Variants in GON4L observed in about 807,000 individuals in gnomAD.
The protein encoded by GON4L is gon-4 like, also known as GON-4-like protein.
A neutral mutation model predicts 211.8 loss-of-function variants in GON4L; 87 were observed. That is an observed-to-expected ratio of 0.41 (90% CI 0.35 to 0.49). GON4L has a LOEUF of 0.49. Ranked by LOEUF, GON4L falls within the 20% of genes least tolerant of loss-of-function variation. The pLI is 0.15. For missense variants in GON4L, 2,155 were observed against 2,659.5 expected (o/e 0.81, Z 4.17); for synonymous variants, 875 against 962.6 (o/e 0.91, Z 1.68).
At chr1:155,767,261 C>T in intron 20 of GON4L, 164 bp downstream of exon 20, 1 of 1,504,242 alleles carries the variant, frequency 6.6e-7, no homozygotes, top group South Asian at 1.2e-5. Flanking sequence ...TGTAGAATCA[C>T]CCAGAGAAGG....
intron 2 of GON4L, among the ~76,000 whole-genome samples, chr1:155,839,564 T>C (rs1031287736): frequency 2.6e-5 from 4 of 151,732 alleles, no homozygotes; most frequent in Non-Finnish European, 2.9e-5. Context: ...GGCAGGAGAA[T>C]TGCTTGAACC....
intron 11 of GON4L, among the ~76,000 whole-genome samples, chr1:155,803,909 G>C (rs1666911487): frequency 6.6e-6 from 1 of 152,188 alleles, no homozygotes; most frequent in Non-Finnish European, 1.5e-5. Context: ...GTAAAATAGA[G>C]AGGAAAGGGG....
At chr1:155,799,740 A>C (rs1666449770) in intron 11 of GON4L, among the ~76,000 whole-genome samples, 1 of 152,216 alleles carries the variant, frequency 6.6e-6, no homozygotes, top group Non-Finnish European at 1.5e-5. Context: ...CAAAATCCTG[A>C]AAGTCAGTTC....
intron 2 of GON4L, 152 bp from the exon 3 acceptor site, chr1:155,827,180 C>G: frequency 1.5e-6 from 1 of 677,550 alleles, no homozygotes; most frequent in South Asian, 1.7e-5. Flanking sequence ...AATCAAAGCT[C>G]AGATCCAATT....
chr1:155,760,542 G>C lies in GON4L; in HGVS notation c.5011C>G (p.Leu1671Val), dbSNP rs376193653. The change falls in exon 24 of 32, where the codon CTC becomes GTC. Residue 1671 changes from leucine (L) to valine (V), a missense_variant. This residue lies in a region of GON4L where 455 missense variants were observed against 504.6 expected (regional missense o/e 0.90). Transcript: ENST00000368331. ...SSTQRRTAVD[L>V]YKSLQILLQD... is the part of the protein sequence containing the mutation. ...AGCAGAATTTGCAGGCTTTTGTAGAGATCTACAGCCGTCCGTCTCTGGGTA... is the reference window on the plus strand; with the variant it reads ...AGCAGAATTTGCAGGCTTTTGTAGACATCTACAGCCGTCCGTCTCTGGGTA... 1.9e-6 allele frequency: 3 copies of C among 1,612,688 alleles called. No individual in the cohort carries two copies. Among genetic ancestry groups the C allele is most frequent in the South Asian group, 1.1e-5 (1 of 91,062 alleles).
chr1:155,810,240 C>T (rs944980097), intron 10 of GON4L, among the ~76,000 whole-genome samples: 13 of 151,124 alleles, frequency 8.6e-5, no homozygotes, highest in Non-Finnish European at 1.0e-4. Flanking sequence ...GTGATCCACC[C>T]GCCTGGGCCT....
chr1:155,793,672 T>C (rs767084735), intron 12 of GON4L, among the ~76,000 whole-genome samples: 1 of 151,960 alleles, frequency 6.6e-6, no homozygotes, highest in Non-Finnish European at 1.5e-5. Flanking sequence ...GCAGTGGCAC[T>C]ATCATAGTTT....
At chr1:155,850,345 C>A (rs1028936493) in intron 2 of GON4L, among the ~76,000 whole-genome samples, 13 of 152,026 alleles carry the variant, frequency 8.6e-5, no homozygotes, top group Admixed American at 2.0e-4. Flanking sequence ...ACAAAAAAAA[C>A]CGCTATTCCT....
chr1:155,856,254 G>A (rs549660198), intron 1 of GON4L, among the ~76,000 whole-genome samples: 88 of 151,900 alleles, frequency 5.8e-4, no homozygotes, highest in South Asian at 3.1e-3. Context: ...CAGAGACAAG[G>A]TCTCGCTCTG....
At chr1:155,825,235 T>A (rs1228488169) in intron 3 of GON4L, among the ~76,000 whole-genome samples, 1 of 151,848 alleles carries the variant, frequency 6.6e-6, no homozygotes, top group African/African-American at 2.4e-5. Context: ...GCAATAAAAA[T>A]GAACAATCTA....
chr1:155,795,042 A>G lies in GON4L; in HGVS notation c.1747+8T>C. On this transcript the variant is annotated splice_region_variant and intron_variant, in intron 12 of 31. Coordinates refer to ENST00000368331, the MANE Select transcript of GON4L (RefSeq NM_001282860.2). ...CAAGAGCAGGACTTAGAATAAACAC[A>G]GACTCACTGGTGATTCTCACTGCCC... 1.4e-6 allele frequency: 2 copies of G among 1,470,012 alleles called. No individual in the cohort carries two copies. The highest frequency in any genetic ancestry group is 2.3e-5 in the South Asian group (2 of 88,186). The allele number at this position is 1,470,012 out of a possible 1,614,324, so 91.1% of individuals were successfully genotyped here. A position where few individuals can be genotyped will look rare whatever the true frequency, so the allele number is the denominator to read the frequency against.
At chr1:155,763,199 G>A in intron 22 of GON4L, 113 bp downstream of exon 22, 1 of 939,068 alleles carries the variant, frequency 1.1e-6, no homozygotes, top group Non-Finnish European at 1.6e-6. Flanking sequence ...AGATCCAGAG[G>A]GTTTCCTCTG....
At chr1:155,768,002 A>C (rs1662721038) in intron 19 of GON4L, among the ~76,000 whole-genome samples, 1 of 152,090 alleles carries the variant, frequency 6.6e-6, no homozygotes, top group Admixed American at 6.6e-5. Flanking sequence ...GAGCCTGAGA[A>C]AGTTCAATTT....
chr1:155,780,958 G>A (rs746781411), intron 14 of GON4L, among the ~76,000 whole-genome samples: 1 of 151,980 alleles, frequency 6.6e-6, no homozygotes, highest in Non-Finnish European at 1.5e-5. Flanking sequence ...TATTTACTGT[G>A]GGTTTGGGCA....
chr1:155,752,227 C>G lies in GON4L; in HGVS notation c.6206G>C (p.Gly2069Ala), dbSNP rs775423194. 4 of 1,613,356 alleles carry G rather than the reference C, an allele frequency of 2.5e-6. No homozygotes were observed. Among genetic ancestry groups the G allele is most frequent in the Middle Eastern group, 3.3e-4 (2 of 6,052 alleles). ...CCATCTCTCTTGAGTGTCTGGTTTCCCGGACACATGTCTTCTCCCTGCATC... is the reference window on the plus strand; with the variant it reads ...CCATCTCTCTTGAGTGTCTGGTTTCGCGGACACATGTCTTCTCCCTGCATC... ...TRDAGRRHVS[G>A]KPDTQERWLP... Residue 2069 changes from glycine to alanine, a missense_variant, in exon 30 of 32, where the codon GGG becomes GCG. Gly to Ala is a moderately conservative substitution (Grantham distance 60). Coordinates refer to ENST00000368331, the MANE Select transcript of GON4L (RefSeq NM_001282860.2).
At chr1:155,834,276 A>G (rs1670090230) in intron 2 of GON4L, among the ~76,000 whole-genome samples, 1 of 152,126 alleles carries the variant, frequency 6.6e-6, no homozygotes, top group Non-Finnish European at 1.5e-5. Flanking sequence ...TTACATTTTA[A>G]AGTACCTTGT....
intron 27 of GON4L, 94 bp downstream of exon 27, chr1:155,756,864 G>A: frequency 1.2e-6 from 1 of 858,202 alleles, no homozygotes; most frequent in South Asian, 1.5e-5. Flanking sequence ...GGGAGGTGGA[G>A]GTTGCAGTGA....
chr1:155,803,797 T>C (rs1054487998), intron 11 of GON4L, among the ~76,000 whole-genome samples: 6 of 152,132 alleles, frequency 3.9e-5, no homozygotes, highest in Non-Finnish European at 5.9e-5. Context: ...GGGAGAGTCC[T>C]GAAGTGTAGA....
intron 3 of GON4L, among the ~76,000 whole-genome samples, 173 bp from the exon 4 acceptor site, chr1:155,822,649 G>A (rs922024131): frequency 6.6e-6 from 1 of 152,152 alleles, no homozygotes; most frequent in Admixed American, 6.6e-5. Flanking sequence ...CATTTGCATA[G>A]AAGATGCAAA....
Sources: gnomAD v4.1 joint callset for allele counts (sites outside exome capture counted in the v4.1 genomes callset) on GRCh38, gnomAD v4.1.1 for gene constraint, gnomAD v4.1.1 regional missense constraint, MANE v1.5 for transcripts, NCBI Gene and HGNC (gene_info 2026-07-23, HGNC 2026-07-21) for gene names.